Variants in HTR4 observed in about 807,000 individuals in gnomAD.
HTR4 encodes the protein 5-hydroxytryptamine receptor 4.
Under a neutral mutation model 36.8 loss-of-function variants are expected in HTR4, and 16 were observed. That is an observed-to-expected ratio of 0.43 (90% CI 0.29 to 0.66). The LOEUF (loss-of-function observed/expected upper bound fraction) is 0.66. HTR4 is among the 30% of genes least tolerant of loss of function. The pLI, the probability that HTR4 is intolerant of heterozygous loss-of-function variation, is 0.13. For synonymous variants in HTR4, 189 were observed against 185.1 expected (o/e 1.02, Z -0.17); for missense variants, 438 against 490.9 (o/e 0.89, Z 1.02).
rs528599200 is a variant in HTR4, at chr5:148,568,441, T to C, written c.27-18179A>G. Among the ~76,000 whole-genome samples, 52 of 152,282 alleles carry C rather than the reference T, an allele frequency of 3.4e-4. No homozygotes were observed. In the South Asian group the frequency reaches 8.3e-3, roughly 24 times the overall value. Reference sequence around the variant, plus strand: ...ATCAATATTTATTACTTATTTACCATGCTTGGCCATGGAGCTATAGTTGAC... The same window carrying C: ...ATCAATATTTATTACTTATTTACCACGCTTGGCCATGGAGCTATAGTTGAC... On this transcript the variant is annotated intron_variant, in intron 2 of 6. Transcript: ENST00000377888.
At chr5:148,523,440 A>T in intron 4 of HTR4, 94 bp from the exon 5 acceptor site, 1 of 998,216 alleles carries the variant, frequency 1.0e-6, no homozygotes, top group Non-Finnish European at 1.4e-6. Flanking sequence ...GGGGAGGAAG[A>T]GGGGATGGAG....
intron 5 of HTR4, among the ~76,000 whole-genome samples, chr5:148,457,182 C>G (rs1408947537): frequency 6.6e-6 from 1 of 151,992 alleles, no homozygotes; most frequent in Admixed American, 6.6e-5. Context: ...TCTCCCTGTT[C>G]CATTTGGTGC....
chr5:148,640,694 G>A (rs972295394), intron 1 of HTR4, among the ~76,000 whole-genome samples: 10 of 152,138 alleles, frequency 6.6e-5, no homozygotes, highest in African/African-American at 2.2e-4. Flanking sequence ...AGTTTGAGTT[G>A]TGTTCCAGTC....
At position 148,565,744 on chromosome 5, in the gene HTR4, G is replaced by A. The variant is rs75463869; in HGVS notation, c.27-15482C>T. 7.1e-3 allele frequency among the ~76,000 whole-genome samples: 1,077 copies of A among 152,234 alleles called. 10 individuals carry two copies. The highest frequency in any genetic ancestry group is 0.011 in the Admixed American group (165 of 15,280). On this transcript the variant is annotated intron_variant, in intron 2 of 6. Transcript: ENST00000377888. ...GGAGAGGCAGGTGGAGAATAATGGT[G>A]GGGTTGCCCAAAGATAGACAGACTG...
intron 6 of HTR4, among the ~76,000 whole-genome samples, chr5:148,499,219 T>C (rs1208838445): frequency 6.6e-6 from 1 of 152,190 alleles, no homozygotes; most frequent in East Asian, 1.9e-4. Flanking sequence ...TTATAAAAAT[T>C]AGATGCAAAT....
intron 2 of HTR4, among the ~76,000 whole-genome samples, chr5:148,557,669 G>C (rs895345427): frequency 1.3e-5 from 2 of 151,824 alleles, no homozygotes; most frequent in African/African-American, 4.8e-5. Context: ...GACTGTGAAA[G>C]ACTATCCAGG....
chr5:148,647,652 C>G (rs1753912836), intron 1 of HTR4, among the ~76,000 whole-genome samples: 1 of 152,198 alleles, frequency 6.6e-6, no homozygotes, highest in African/African-American at 2.4e-5. Flanking sequence ...AGTTCGAGAC[C>G]AGCCTGGCCA....
At chr5:148,499,673 T>C (rs1284561253) in intron 6 of HTR4, among the ~76,000 whole-genome samples, 1 of 152,162 alleles carries the variant, frequency 6.6e-6, no homozygotes, top group Non-Finnish European at 1.5e-5. Flanking sequence ...GAGGGTGAGA[T>C]AGTTTGGATG....
At chr5:148,611,870 T>C (rs926091196) in intron 2 of HTR4, among the ~76,000 whole-genome samples, 3 of 151,312 alleles carry the variant, frequency 2.0e-5, no homozygotes, top group Non-Finnish European at 3.0e-5. Flanking sequence ...AAGGCAGGGG[T>C]TGCAATCCTA....
chr5:148,480,559 A>G (rs954110521), downstream of HTR4, among the ~76,000 whole-genome samples: 2 of 152,208 alleles, frequency 1.3e-5, no homozygotes, highest in African/African-American at 4.8e-5. Context: ...TTGTAGCTTT[A>G]GTAGAGATCA....
chr5:148,490,132 T>C (rs993433075), intron 6 of HTR4, among the ~76,000 whole-genome samples: 1 of 148,722 alleles, frequency 6.7e-6, no homozygotes, highest in South Asian at 2.1e-4. Flanking sequence ...AATGTATATA[T>C]ACATATACAT....
downstream of HTR4, chr5:148,476,703 AT>A (rs1361537821): frequency 7.4e-6 from 12 of 1,610,782 alleles, no homozygotes; most frequent in Non-Finnish European, 1.0e-5. Context: ...AGAAAAAAAA[AT>A]GAGCAATAAG....
intron 6 of HTR4, among the ~76,000 whole-genome samples, chr5:148,486,517 G>A (rs1367939753): frequency 6.6e-6 from 1 of 152,148 alleles, no homozygotes; most frequent in African/African-American, 2.4e-5. Context: ...CCTTTCCTGT[G>A]CCTCACTTTT....
intron 4 of HTR4, among the ~76,000 whole-genome samples, chr5:148,525,496 T>A (rs1340421543): frequency 6.6e-6 from 1 of 152,164 alleles, no homozygotes; most frequent in Non-Finnish European, 1.5e-5. Flanking sequence ...GGGCTTTGAC[T>A]TTTCTAGCCT....
intron 3 of HTR4, 34 bp downstream of exon 3, chr5:148,550,103 A>G (rs1759607129): frequency 1.2e-6 from 2 of 1,612,746 alleles, no homozygotes; most frequent in Non-Finnish European, 1.7e-6. Flanking sequence ...CAGAACTCCC[A>G]TGTTTCCTCA....
chr5:148,622,632 T>C (rs974192450), intron 2 of HTR4, among the ~76,000 whole-genome samples: 9 of 152,380 alleles, frequency 5.9e-5, no homozygotes, highest in African/African-American at 1.9e-4. Flanking sequence ...GGTGTGTCTT[T>C]AAGTGCAAAA....
chr5:148,613,641 C>G (rs1241163687), intron 2 of HTR4, among the ~76,000 whole-genome samples: 2 of 150,478 alleles, frequency 1.3e-5, no homozygotes, highest in Non-Finnish European at 2.9e-5. Context: ...TGCCCTCTCT[C>G]ACCACTCCTA....
chr5:148,591,232 C>G (rs1004195352), intron 2 of HTR4, among the ~76,000 whole-genome samples: 1 of 152,026 alleles, frequency 6.6e-6, no homozygotes, highest in Non-Finnish European at 1.5e-5. Flanking sequence ...GTTACTGTAG[C>G]CTTGTAGCAT....
At chr5:148,597,065 C>T (rs956795081) in intron 2 of HTR4, among the ~76,000 whole-genome samples, 21 of 152,102 alleles carry the variant, frequency 1.4e-4, no homozygotes, top group African/African-American at 5.1e-4. Context: ...TTCTACCCAC[C>T]CCCTGAAGCC....
Sources: allele counts gnomAD v4.1 joint callset (sites outside exome capture counted in the v4.1 genomes callset), GRCh38; gene constraint gnomAD v4.1.1; transcripts MANE v1.5; gene names NCBI Gene and HGNC (gene_info 2026-07-23, HGNC 2026-07-21).